The following CSMD3 variants were observed in gnomAD, a reference collection of about 807,000 sequenced individuals.
The protein encoded by CSMD3 is CUB and Sushi multiple domains 3.
Under a neutral mutation model 435.2 loss-of-function variants are expected in CSMD3, and 177 were observed. The ratio of observed to expected loss-of-function variants is 0.41; its 90% confidence interval spans 0.36 to 0.46. The LOEUF (loss-of-function observed/expected upper bound fraction) is 0.46, where lower values mean the gene tolerates loss of function less well. CSMD3 is among the 20% of genes least tolerant of loss of function. The pLI is 0.34. For missense variants in CSMD3, 4,265 were observed against 4,504.6 expected, an observed-to-expected ratio of 0.95 and a Z score of 1.52; for synonymous variants, 1,656 against 1,520.5, an observed-to-expected ratio of 1.09 and a Z score of -2.07.
intron 13 of CSMD3, among the ~76,000 whole-genome samples, chr8:112,747,980 A>AAAAC (rs1563921942): frequency 2.0e-5 from 3 of 150,942 alleles, no homozygotes; most frequent in African/African-American, 7.4e-5. Context: ...AAAAAAAAAA[A>AAAAC]AAAAAACAGG....
At chr8:112,791,193 C>T (rs1008999268) in intron 13 of CSMD3, among the ~76,000 whole-genome samples, 4 of 151,710 alleles carry the variant, frequency 2.6e-5, no homozygotes, top group East Asian at 1.9e-4. Flanking sequence ...CATGGTGGCA[C>T]GTGCCTGTTG....
intron 16 of CSMD3, among the ~76,000 whole-genome samples, chr8:112,677,559 G>A (rs886877625): frequency 6.7e-6 from 1 of 149,768 alleles, no homozygotes; most frequent in Non-Finnish European, 1.5e-5. Context: ...TAGCAAAATT[G>A]TACTGTCTCA....
chr8:113,329,019 G>C (rs2132756640), intron 1 of CSMD3, among the ~76,000 whole-genome samples: 1 of 151,456 alleles, frequency 6.6e-6, no homozygotes, highest in African/African-American at 2.4e-5. Flanking sequence ...TGGGATTACA[G>C]CTGCGAGCCA....
intron 38 of CSMD3, among the ~76,000 whole-genome samples, chr8:112,356,230 A>G (rs1186235316): frequency 6.6e-6 from 1 of 152,212 alleles, no homozygotes; most frequent in South Asian, 2.1e-4. Context: ...ATGCACTCGT[A>G]TGTTTATCAC....
At chr8:112,985,978 C>T (rs77340327) in intron 6 of CSMD3, among the ~76,000 whole-genome samples, 1 of 151,946 alleles carries the variant, frequency 6.6e-6, no homozygotes, top group Non-Finnish European at 1.5e-5. Flanking sequence ...ACCATCCCCA[C>T]CCCCGATCTG....
In CSMD3 at chr8:113,376,932, T is replaced by G. The variant is rs1012011352; in HGVS notation, c.178+59745A>C. ...CCGTGGTTGTGGGGGCCATAACGGA[T>G]GACGTGCGGGTTCAGGAGGTGCCCA... On this transcript the variant is annotated intron_variant, in intron 1 of 70. Coordinates refer to ENST00000297405, the MANE Select transcript of CSMD3 (RefSeq NM_198123.2). 131 of 1,516,962 alleles carry G rather than the reference T, an allele frequency of 8.6e-5. 1 individual carries two copies. In the Middle Eastern group the frequency reaches 1.3e-3, roughly 15 times the overall value. 94.0% of individuals were successfully genotyped at this position (1,516,962 alleles called of 1,614,324 possible).
At chr8:113,001,710 A>G (rs2085870644) in intron 6 of CSMD3, among the ~76,000 whole-genome samples, 1 of 152,132 alleles carries the variant, frequency 6.6e-6, no homozygotes, top group South Asian at 2.1e-4. Flanking sequence ...CATCATTAAT[A>G]GATTCAGGGA....
intron 1 of CSMD3, among the ~76,000 whole-genome samples, chr8:113,318,900 TGTGA>T (rs576631548): frequency 1.6e-4 from 24 of 152,040 alleles, no homozygotes; most frequent in African/African-American, 5.5e-4. Context: ...CCATTTTGTG[TGTGA>T]GTATGTATAT....
intron 38 of CSMD3, among the ~76,000 whole-genome samples, chr8:112,355,011 A>G (rs1826459749): frequency 6.6e-6 from 1 of 152,224 alleles, no homozygotes; most frequent in Admixed American, 6.5e-5. Flanking sequence ...AGACACAACG[A>G]TGGATGGAGT....
At chr8:112,441,564 C>T (rs910888516) in intron 32 of CSMD3, among the ~76,000 whole-genome samples, 1 of 152,210 alleles carries the variant, frequency 6.6e-6, no homozygotes, top group Admixed American at 6.5e-5. Context: ...AGTCCATTCT[C>T]ATGCTGCTAT....
At chr8:112,310,833 T>C (rs1466921296) in intron 50 of CSMD3, 145 bp downstream of exon 50, 15 of 727,170 alleles carry the variant, frequency 2.1e-5, no homozygotes, top group Non-Finnish European at 3.5e-5. Context: ...CATTCTGCAA[T>C]GTTATGCCTT....
Position 112,304,804 on chromosome 8 carries a change from C to T in CSMD3, c.8183G>A (p.Gly2728Asp), listed in dbSNP as rs1821264742. ...KTKVVFSCDP[G>D]YHGLGPASIE... ...GGAGGCAGGACCTAGTCCATGATAA[C>T]CAGGGTCACAGCTGAAAACTACTTT... Residue 2728 changes from glycine (G) to aspartate (D), a missense_variant, in exon 52 of 71, where the codon GGT becomes GAT. Physicochemically the swap from Gly to Asp is moderately conservative, Grantham distance 94. Coordinates refer to ENST00000297405, the MANE Select transcript of CSMD3 (RefSeq NM_198123.2). 1.2e-6 allele frequency: 2 copies of T among 1,613,676 alleles called. No individual in the cohort carries two copies. The highest frequency in any genetic ancestry group is 1.3e-5 in the African/African-American group (1 of 74,894).
chr8:112,395,091 T>A (rs1830753941), intron 35 of CSMD3, among the ~76,000 whole-genome samples: 1 of 152,194 alleles, frequency 6.6e-6, no homozygotes, highest in South Asian at 2.1e-4. Context: ...ATAGAAAAAT[T>A]AGCAGATACG....
At chr8:113,114,197 G>A (rs922352572) in intron 4 of CSMD3, among the ~76,000 whole-genome samples, 1 of 152,110 alleles carries the variant, frequency 6.6e-6, no homozygotes, top group African/African-American at 2.4e-5. Flanking sequence ...GTCATGGAGA[G>A]ACTCTACTTT....
chr8:113,035,863 T>C (rs72683860), intron 5 of CSMD3, among the ~76,000 whole-genome samples: 2,036 of 152,088 alleles, frequency 0.013, 25 homozygotes, highest in Non-Finnish European at 0.022. Flanking sequence ...CATATAGAAA[T>C]GTACATGCAA....
chr8:112,960,042 T>C (rs758242238), intron 7 of CSMD3, among the ~76,000 whole-genome samples: 2 of 151,858 alleles, frequency 1.3e-5, no homozygotes, highest in African/African-American at 2.4e-5. Context: ...ACTAATGTCA[T>C]CAGAATTATC....
At chr8:112,823,209 G>A (rs1483106209) in intron 12 of CSMD3, among the ~76,000 whole-genome samples, 4 of 152,178 alleles carry the variant, frequency 2.6e-5, no homozygotes, top group Admixed American at 6.5e-5. Flanking sequence ...AGAAGGAATG[G>A]TACCAGCTCC....
chr8:112,333,458 C>T (rs952810771), intron 45 of CSMD3, among the ~76,000 whole-genome samples: 4 of 152,280 alleles, frequency 2.6e-5, no homozygotes, highest in Admixed American at 1.3e-4. Flanking sequence ...TGAGCCACTG[C>T]GCCTGGCCTT....
chr8:112,967,193 T>TA (rs1263183564), intron 7 of CSMD3, among the ~76,000 whole-genome samples: 1 of 151,856 alleles, frequency 6.6e-6, no homozygotes, highest in Non-Finnish European at 1.5e-5. Flanking sequence ...TATCAACTGT[T>TA]ACTTGCATTT....
Sources: allele counts gnomAD v4.1 joint callset (sites outside exome capture counted in the v4.1 genomes callset), GRCh38; gene constraint gnomAD v4.1.1; transcripts MANE v1.5; gene names NCBI Gene and HGNC (gene_info 2026-07-23, HGNC 2026-07-21).